Variants in VWA2 observed in about 807,000 individuals in gnomAD.
VWA2 encodes von Willebrand factor A domain containing 2.
A neutral mutation model predicts 70.4 loss-of-function variants in VWA2; 73 were observed. The observed-to-expected ratio is 1.04, with a 90% confidence interval of 0.86 to 1.26. The LOEUF is 1.26. Ranked by LOEUF, VWA2 falls within the 50% of genes most tolerant of loss-of-function variation. VWA2 has a pLI of 0.00. For synonymous variants in VWA2, 407 were observed against 423.3 expected, an observed-to-expected ratio of 0.96 and a Z score of 0.47; for missense variants, 1,011 against 998.5, an observed-to-expected ratio of 1.01 and a Z score of -0.17.
chr10:114,260,653 G>A (rs2037425958), intron 4 of VWA2, among the ~76,000 whole-genome samples: 1 of 152,194 alleles, frequency 6.6e-6, no homozygotes, highest in Admixed American at 6.5e-5. Flanking sequence ...CTGGGCCTTA[G>A]GGAAGACCAC....
At chr10:114,270,622 T>A (rs991543056) in intron 5 of VWA2, among the ~76,000 whole-genome samples, 6 of 152,196 alleles carry the variant, frequency 3.9e-5, no homozygotes, top group Non-Finnish European at 8.8e-5. Context: ...GAAGCCATTC[T>A]GCCCTCCCAG....
intron 1 of VWA2, among the ~76,000 whole-genome samples, chr10:114,245,014 C>T (rs906666935): frequency 2.0e-5 from 3 of 152,198 alleles, no homozygotes; most frequent in African/African-American, 2.4e-5. Flanking sequence ...TCAAGACAAA[C>T]GTATCACTGG....
chr10:114,252,010 T>A (rs2037207297), intron 2 of VWA2, among the ~76,000 whole-genome samples: 1 of 152,062 alleles, frequency 6.6e-6, no homozygotes, highest in Non-Finnish European at 1.5e-5. Context: ...TTTCACCCTG[T>A]TGGCCAGGCT....
At chr10:114,246,567 AGGGACCCAG>A (rs2037077688) in intron 1 of VWA2, 1 of 1,155,620 alleles carries the variant, frequency 8.7e-7, no homozygotes, top group African/African-American at 1.5e-5. Context: ...ACTGTAACAG[AGGGACCCAG>A]GACCTCATTT....
chr10:114,268,982 G>A (rs1179890799), intron 5 of VWA2, among the ~76,000 whole-genome samples: 3 of 151,776 alleles, frequency 2.0e-5, no homozygotes, highest in African/African-American at 7.3e-5. Flanking sequence ...AAAGTGCTGG[G>A]ATTACAGGCG....
rs192479677 is a variant in VWA2 at position 114,275,266 on chromosome 10, C to A, written c.566+2332C>A. Reference sequence around the variant, plus strand: ...CATGTCCTGGAAATGGTGATGACATCATTGTCATCAATCATTGTGATCAGC... The same window carrying A: ...CATGTCCTGGAAATGGTGATGACATAATTGTCATCAATCATTGTGATCAGC... On this transcript the variant is annotated intron_variant, in intron 6 of 13. Transcript: ENST00000392982. Among the ~76,000 whole-genome samples, 506 of 152,266 alleles carry A rather than the reference C, an allele frequency of 3.3e-3. 2 individuals carry two copies. Among genetic ancestry groups the A allele is most frequent in the Middle Eastern group, 0.024 (7 of 294 alleles).
chr10:114,251,546 T>A (rs2037196100), intron 2 of VWA2, among the ~76,000 whole-genome samples: 1 of 152,216 alleles, frequency 6.6e-6, no homozygotes, highest in Non-Finnish European at 1.5e-5. Context: ...TTTTCTGTTC[T>A]TTTTGGGGTC....
At chr10:114,257,072 C>T (rs1364361122) in intron 4 of VWA2, among the ~76,000 whole-genome samples, 3 of 152,108 alleles carry the variant, frequency 2.0e-5, no homozygotes, top group South Asian at 4.1e-4. Flanking sequence ...TAGAAACATA[C>T]ATGGCTTTTA....
chr10:114,282,672 G>A, intron 9 of VWA2, 101 bp downstream of exon 9: 1 of 1,054,890 alleles, frequency 9.5e-7, no homozygotes, highest in Non-Finnish European at 1.5e-6. Context: ...GTGGGGTTGT[G>A]ACTGGCTCCA....
chr10:114,254,902 C>T lies in VWA2; in HGVS notation c.128-13C>T, dbSNP rs1421735488. ...TGCTCCTGGTTGTCATCTGTCTGTC[C>T]CGCTCTCCCTAGTGATGTGGTGCTC... On this transcript the variant is annotated splice_polypyrimidine_tract_variant and intron_variant, in intron 3 of 13. Coordinates refer to ENST00000392982, the MANE Select transcript of VWA2 (RefSeq NM_001272046.2). 2 of 1,611,198 alleles carry T rather than the reference C, an allele frequency of 1.2e-6. No homozygotes were observed. The highest frequency in any genetic ancestry group is 8.5e-7 in the Non-Finnish European group (1 of 1,178,260).
At chr10:114,261,089 G>T in intron 4 of VWA2, 97 bp from the exon 5 acceptor site, 2 of 813,076 alleles carry the variant, frequency 2.5e-6, no homozygotes, top group South Asian at 1.6e-5. Context: ...TGAGTGGATG[G>T]GAGGCAGGGT....
Position 114,272,855 on chromosome 10 carries a change from C to CA in VWA2, c.488dup (p.Asp165GlyfsTer37). On this transcript the variant is annotated frameshift_variant, in exon 6 of 14. Transcript: ENST00000392982. LOFTEE classifies it high-confidence loss of function. Reference sequence around the variant, plus strand: ...CATCATCGTCACTGATGGGAAGTCCCAGGGGGATGTGGCACTGCCATCCAA... The same window carrying CA: ...CATCATCGTCACTGATGGGAAGTCCCAAGGGGGATGTGGCACTGCCATCCAA... 1 of 1,614,008 alleles carries CA rather than the reference C, an allele frequency of 6.2e-7. No individual in the cohort carries two copies. Among genetic ancestry groups the CA allele is most frequent in the Non-Finnish European group, 8.5e-7 (1 of 1,179,978 alleles).
intron 13 of VWA2, 64 bp from the exon 14 acceptor site, chr10:114,291,154 G>C (rs2039558593): frequency 6.5e-7 from 1 of 1,545,478 alleles, no homozygotes; most frequent in Admixed American, 2.0e-5. Context: ...GTCCTCAGAG[G>C]CTGCTGGAGG....
intron 5 of VWA2, among the ~76,000 whole-genome samples, chr10:114,263,709 G>C (rs2037497719): frequency 6.6e-6 from 1 of 152,112 alleles, no homozygotes; most frequent in Admixed American, 6.5e-5. Context: ...TTTAAAAACA[G>C]CTTTATGGAG....
rs532818841 is a variant in VWA2, at chr10:114,287,894, T to C, written c.1571-1044T>C. Among the ~76,000 whole-genome samples the C allele has an allele frequency of 2.0e-5, 3 of 152,266 alleles. No homozygotes were observed. The South Asian group carries it at 6.2e-4, about 32-fold the overall frequency. On this transcript the variant is annotated intron_variant, in intron 11 of 13. Transcript: ENST00000392982. Reference sequence around the variant, plus strand: ...ATTTGTTTAGTTTTTACCTAATGTCTTTTTTGTGTTCCAGAATCCCATCCA... The same window carrying C: ...ATTTGTTTAGTTTTTACCTAATGTCCTTTTTGTGTTCCAGAATCCCATCCA...
At chr10:114,246,754 G>T in intron 1 of VWA2, 1 of 1,420,298 alleles carries the variant, frequency 7.0e-7, no homozygotes. Context: ...AACCAGGGCT[G>T]CTGTATAACC....
rs1410570390 is a variant in VWA2 at position 114,261,186 on chromosome 10, G to C, written c.262G>C (p.Val88Leu). 2 of 1,611,008 alleles carry C rather than the reference G, an allele frequency of 1.2e-6. No individual in the cohort carries two copies. Among genetic ancestry groups the C allele is most frequent in the African/African-American group, 2.7e-5 (2 of 74,874 alleles). Reference protein sequence around the residue: ...CDGLDISPERVRVGAFQFSST... With the variant: ...CDGLDISPERLRVGAFQFSST... ...CTGAGCCCCCTGTCTCCTACTGCAG[G>C]TCAGAGTGGGAGCATTCCAGTTCAG... The change falls in exon 5 of 14, where the codon GTC (valine) becomes CTC (leucine). Residue 88 changes from valine (V) to leucine (L), a missense_variant and splice_region_variant. Transcript: ENST00000392982.
chr10:114,286,623 C>G, intron 11 of VWA2, 112 bp downstream of exon 11: 1 of 869,706 alleles, frequency 1.1e-6, no homozygotes, highest in Non-Finnish European at 1.7e-6. Flanking sequence ...GGGCTGAAAC[C>G]ACAGCCCCAC....
rs375940807 is a variant in VWA2 at position 114,255,063 on chromosome 10, T to C, written c.261+15T>C. 3.1e-6 allele frequency: 5 copies of C among 1,609,692 alleles called. No homozygotes were observed. Among genetic ancestry groups the C allele is most frequent in the Non-Finnish European group, 4.2e-6 (5 of 1,178,960 alleles). Reference sequence around the variant, plus strand: ...GCCCCGAGAGGGTGAGTGCAAGTCTTGTGGGTGTTTGTGTTAGGGCGTCTT... The same window carrying C: ...GCCCCGAGAGGGTGAGTGCAAGTCTCGTGGGTGTTTGTGTTAGGGCGTCTT... On this transcript the variant is annotated intron_variant, in intron 4 of 13. Transcript: ENST00000392982.
Sources: gnomAD v4.1 joint callset for allele counts (sites outside exome capture counted in the v4.1 genomes callset) on GRCh38, gnomAD v4.1.1 for gene constraint, MANE v1.5 for transcripts, NCBI Gene and HGNC (gene_info 2026-07-23, HGNC 2026-07-21) for gene names.